Variants in LRP1B observed in about 807,000 individuals in gnomAD.
LRP1B encodes the protein LDL receptor related protein 1B, also known as low-density lipoprotein receptor-related protein 1B.
A neutral mutation model predicts 556.6 loss-of-function variants in LRP1B; 217 were observed. That is an observed-to-expected ratio of 0.39 (90% CI 0.35 to 0.44). LRP1B has a LOEUF of 0.44. Among genes scored for constraint, LRP1B ranks in the 20% least tolerant of loss-of-function variants. LRP1B has a pLI of 1.00. For missense variants in LRP1B, 5,053 were observed against 5,620.8 expected, an observed-to-expected ratio of 0.90 and a Z score of 3.23; for synonymous variants, 2,047 against 1,865.8, an observed-to-expected ratio of 1.10 and a Z score of -2.50.
intron 46 of LRP1B, among the ~76,000 whole-genome samples, chr2:140,535,861 G>T (rs1264184660): frequency 6.6e-6 from 1 of 152,122 alleles, no homozygotes; most frequent in African/African-American, 2.4e-5. Flanking sequence ...GAGAAGCATA[G>T]CTGGTGCAAT....
intron 1 of LRP1B, among the ~76,000 whole-genome samples, chr2:142,029,989 C>T (rs971424246): frequency 5.3e-5 from 8 of 151,314 alleles, no homozygotes; most frequent in Non-Finnish European, 7.4e-5. Flanking sequence ...CCATTTTTCA[C>T]TCTCTCCCAC....
intron 1 of LRP1B, among the ~76,000 whole-genome samples, chr2:141,818,947 T>C (rs1696661252): frequency 6.6e-6 from 1 of 151,374 alleles, no homozygotes. Context: ...GATCCTTTAA[T>C]AAAAACTTTC....
intron 2 of LRP1B, among the ~76,000 whole-genome samples, chr2:141,701,917 T>C (rs13400579): frequency 0.36 from 54,564 of 151,754 alleles, 10,359 homozygotes; most frequent in East Asian, 0.59. Flanking sequence ...CAAATGTGAT[T>C]GTCCCAATCC....
At chr2:141,026,577 C>A (rs533693493) in intron 11 of LRP1B, among the ~76,000 whole-genome samples, 1 of 152,070 alleles carries the variant, frequency 6.6e-6, no homozygotes, top group African/African-American at 2.4e-5. Context: ...CTAAATCAAC[C>A]AAAACTATAC....
At chr2:142,006,311 A>T (rs951346895) in intron 1 of LRP1B, among the ~76,000 whole-genome samples, 2 of 152,204 alleles carry the variant, frequency 1.3e-5, no homozygotes, top group Admixed American at 1.3e-4. Context: ...TAATCAAAAC[A>T]TTCTGGAAAA....
intron 41 of LRP1B, among the ~76,000 whole-genome samples, chr2:140,620,266 T>C (rs1358157843): frequency 6.6e-6 from 1 of 152,152 alleles, no homozygotes; most frequent in Non-Finnish European, 1.5e-5. Context: ...ATGACAGTTA[T>C]CGAGTTGGTT....
intron 2 of LRP1B, among the ~76,000 whole-genome samples, chr2:141,596,568 C>G (rs935689140): frequency 6.6e-6 from 1 of 151,842 alleles, no homozygotes; most frequent in Non-Finnish European, 1.5e-5. Context: ...TCAACATAAC[C>G]ACAAATGCAC....
In LRP1B at chr2:141,229,447, T is replaced by A; in HGVS notation, c.593-7A>T. 6.6e-7 allele frequency: 1 copy of A among 1,525,214 alleles called. No individual in the cohort carries two copies. Among genetic ancestry groups the A allele is most frequent in the Admixed American group, 2.0e-5 (1 of 50,258 alleles). 94.5% of individuals were successfully genotyped at this position (1,525,214 alleles called of 1,614,324 possible). ...GGTGGTCTATCTGTAGGTTCTGGAA[T>A]AAAATAGAAAAAGAGAAGTAAATTC... is the stretch of plus-strand genomic sequence containing the variant. On this transcript the variant is annotated splice_region_variant and splice_polypyrimidine_tract_variant and intron_variant, in intron 5 of 90. Transcript: ENST00000389484.
chr2:141,260,651 C>T (rs1229594425), intron 3 of LRP1B, among the ~76,000 whole-genome samples: 2 of 152,188 alleles, frequency 1.3e-5, no homozygotes, highest in African/African-American at 2.4e-5. Context: ...TAGCATTATG[C>T]TGCTGCCTTT....
chr2:140,864,279 C>T (rs985235809), intron 27 of LRP1B, among the ~76,000 whole-genome samples: 2 of 151,414 alleles, frequency 1.3e-5, no homozygotes, highest in African/African-American at 4.9e-5. Flanking sequence ...ATAATCTAGG[C>T]GAGTAGGTAA....
chr2:141,978,135 A>G (rs1336004935), intron 1 of LRP1B, among the ~76,000 whole-genome samples: 1 of 152,122 alleles, frequency 6.6e-6, no homozygotes, highest in East Asian at 1.9e-4. Context: ...AATAAGAACA[A>G]ATTTTGCAAT....
chr2:140,992,070 G>T (rs532427361), intron 16 of LRP1B, among the ~76,000 whole-genome samples: 1 of 151,998 alleles, frequency 6.6e-6, no homozygotes, highest in Admixed American at 6.6e-5. Context: ...AGGAATAGTG[G>T]CAGGCATAAT....
intron 1 of LRP1B, among the ~76,000 whole-genome samples, chr2:142,058,764 A>T (rs562062937): frequency 5.7e-4 from 86 of 152,048 alleles, no homozygotes; most frequent in Non-Finnish European, 1.8e-4. Flanking sequence ...AACAAACTGA[A>T]GATAAATACC....
intron 2 of LRP1B, among the ~76,000 whole-genome samples, chr2:141,795,901 A>ATATAG (rs57390759): frequency 1.3e-4 from 3 of 23,270 alleles, no homozygotes; most frequent in Non-Finnish European, 3.2e-4. Flanking sequence ...TATATATATA[A>ATATAG]TCTTTAAGCA....
chr2:140,839,206 T>C (rs1374874556), intron 31 of LRP1B, among the ~76,000 whole-genome samples: 6 of 152,238 alleles, frequency 3.9e-5, no homozygotes, highest in Admixed American at 2.6e-4. Flanking sequence ...TTAAATTAAA[T>C]TAATGTAACT....
At chr2:140,790,630 CT>C (rs1189206582) in intron 32 of LRP1B, among the ~76,000 whole-genome samples, 1 of 152,138 alleles carries the variant, frequency 6.6e-6, no homozygotes, top group Non-Finnish European at 1.5e-5. Flanking sequence ...GGGTGCAAGC[CT>C]TCTACTAGGT....
At chr2:140,545,420 T>C (rs1680293866) in intron 43 of LRP1B, among the ~76,000 whole-genome samples, 1 of 152,112 alleles carries the variant, frequency 6.6e-6, no homozygotes, top group African/African-American at 2.4e-5. Flanking sequence ...TAGTTTTGAG[T>C]TTTACATTTA....
At chr2:142,037,383 C>T (rs915154755) in intron 1 of LRP1B, among the ~76,000 whole-genome samples, 3 of 151,610 alleles carry the variant, frequency 2.0e-5, no homozygotes, top group Admixed American at 2.0e-4. Context: ...AGGGACACAG[C>T]TGCAGACACA....
chr2:142,047,126 T>G (rs1356469149), intron 1 of LRP1B, among the ~76,000 whole-genome samples: 2 of 151,922 alleles, frequency 1.3e-5, no homozygotes, highest in Non-Finnish European at 2.9e-5. Context: ...TGGAAATTGT[T>G]GTACTTAGGT....
Sources: allele counts gnomAD v4.1 joint callset (sites outside exome capture counted in the v4.1 genomes callset), GRCh38; gene constraint gnomAD v4.1.1; transcripts MANE v1.5; gene names NCBI Gene and HGNC (gene_info 2026-07-23, HGNC 2026-07-21).